EFCAB13: variants seen among roughly 807,000 people sequenced by gnomAD.
The protein encoded by EFCAB13 is EF-hand calcium-binding domain-containing protein 13.
A neutral mutation model predicts 110.2 loss-of-function variants in EFCAB13; 91 were observed. The ratio of observed to expected loss-of-function variants is 0.83; its 90% CI spans 0.70 to 0.98. The LOEUF (loss-of-function observed/expected upper bound fraction) is 0.98. EFCAB13 is among the 50% of genes least tolerant of loss of function. The pLI is 0.00. For synonymous variants in EFCAB13, 323 were observed against 369.9 expected (o/e 0.87, Z 1.45); for missense variants, 968 against 1,119.4 (o/e 0.86, Z 1.93).
rs144826927 is a variant in EFCAB13 at position 47,439,715 on chromosome 17, T to G, written c.2639-716T>G. Among the ~76,000 whole-genome samples the G allele has an allele frequency of 1.8e-3, 277 of 152,258 alleles. 1 individual carries two copies. Among genetic ancestry groups the G allele is most frequent in the African/African-American group, 6.4e-3 (265 of 41,546 alleles). On this transcript the variant is annotated intron_variant, in intron 24 of 24. Transcript: ENST00000331493. ...TAAAGCAGTGTTTCTAACCTTTTTT[T>G]CTCTTGCTCCCCTAAGAAGCCTTTA...
Position 47,421,632 on chromosome 17 carries a change from AG to A in EFCAB13, c.2494+6714del, listed in dbSNP as rs757865638. Among the ~76,000 whole-genome samples, 126 of 56,166 alleles carry A rather than the reference AG, an allele frequency of 2.2e-3. 1 individual carries two copies. The highest frequency in any genetic ancestry group is 5.1e-3 in the African/African-American group (37 of 7,236). The allele number at this position is 56,166 out of a possible 152,430, so 36.8% of individuals were successfully genotyped here. On this transcript the variant is annotated intron_variant, in intron 23 of 24. Transcript: ENST00000331493. The stretch of plus-strand genomic sequence containing the variant: ...CACCCAAGAATGAGCAATAAAAAAA[AG>A]AAAGAAAGAAAAAAAAAAAAGAAAT...
intron 19 of EFCAB13, 39 bp downstream of exon 19, chr17:47,404,060 T>A (rs760669557): frequency 1.4e-5 from 21 of 1,490,302 alleles, no homozygotes; most frequent in Non-Finnish European, 1.8e-5. Flanking sequence ...TTTTTTTTTG[T>A]AGGAGTAAAG....
intron 20 of EFCAB13, 61 bp from the exon 21 acceptor site, chr17:47,409,586 C>A: frequency 1.5e-6 from 2 of 1,308,762 alleles, no homozygotes; most frequent in South Asian, 1.2e-5. Context: ...GGTTTCCTTT[C>A]AAACAGGGTA....
At chr17:47,379,944 G>A (rs1288867714) in intron 14 of EFCAB13, among the ~76,000 whole-genome samples, 1 of 152,154 alleles carries the variant, frequency 6.6e-6, no homozygotes, top group East Asian at 1.9e-4. Context: ...CTTAAATGAA[G>A]AGACTTATGT....
At chr17:47,413,972 CAA>C (rs1008609141) in intron 22 of EFCAB13, among the ~76,000 whole-genome samples, 1 of 152,030 alleles carries the variant, frequency 6.6e-6, no homozygotes, top group African/African-American at 2.4e-5. Flanking sequence ...ATCTCTATCC[CAA>C]AGATAGTTTT....
At chr17:47,352,837 G>A (rs2065460789) in intron 9 of EFCAB13, among the ~76,000 whole-genome samples, 1 of 151,918 alleles carries the variant, frequency 6.6e-6, no homozygotes, top group African/African-American at 2.4e-5. Context: ...TTTGTTTTTT[G>A]TAGCTAAGCT....
intron 14 of EFCAB13, among the ~76,000 whole-genome samples, chr17:47,389,097 A>G (rs1410221553): frequency 6.6e-6 from 1 of 151,316 alleles, no homozygotes; most frequent in Non-Finnish European, 1.5e-5. Context: ...CAATGGCTGA[A>G]TCATTGCACA....
chr17:47,402,857 G>T (rs1452640950), intron 18 of EFCAB13, among the ~76,000 whole-genome samples: 1 of 152,196 alleles, frequency 6.6e-6, no homozygotes, highest in Non-Finnish European at 1.5e-5. Context: ...AGAGGGATAA[G>T]GTTTGATTGA....
chr17:47,338,225 G>A (rs2065362436), intron 5 of EFCAB13, among the ~76,000 whole-genome samples: 3 of 150,486 alleles, frequency 2.0e-5, no homozygotes, highest in Admixed American at 6.7e-5. Flanking sequence ...ATGAAATCAG[G>A]TTAGGAGGTC....
intron 12 of EFCAB13, among the ~76,000 whole-genome samples, chr17:47,375,803 A>G (rs910241580): frequency 3.9e-5 from 6 of 152,236 alleles, no homozygotes; most frequent in African/African-American, 9.6e-5. Flanking sequence ...TTAAACAAGT[A>G]GGAAATCTGT....
Position 47,398,014 on chromosome 17 carries a change from TGG to T in EFCAB13, c.1945+2042_1945+2043del, listed in dbSNP as rs1243269332. Among the ~76,000 whole-genome samples, 2 of 101,670 alleles carry T rather than the reference TGG, an allele frequency of 2.0e-5. 1 individual carries two copies. The highest frequency in any genetic ancestry group is 8.1e-5 in the African/African-American group (2 of 24,802). The allele number at this position is 101,670 out of a possible 152,430, so 66.7% of individuals were successfully genotyped here. A position where few individuals can be genotyped will look rare whatever the true frequency, so the allele number is the denominator to read the frequency against. On this transcript the variant is annotated intron_variant, in intron 17 of 24. Transcript: ENST00000331493. ...CCAGCCGCCCCGTCCGGGAGGGAGG[TGG>T]GGGGATCAGCCCCTGCCCGGCCAGC...
chr17:47,433,651 T>C (rs1033000736), intron 24 of EFCAB13, among the ~76,000 whole-genome samples: 1 of 152,188 alleles, frequency 6.6e-6, no homozygotes, highest in Non-Finnish European at 1.5e-5. Flanking sequence ...GTTGATTTTC[T>C]ACTTCCCTCA....
In EFCAB13 at chr17:47,336,129, GTT is replaced by G. The variant is rs200427848; in HGVS notation, c.191+787_191+788del. On this transcript the variant is annotated intron_variant, in intron 5 of 24. Coordinates refer to ENST00000331493, the MANE Select transcript of EFCAB13 (RefSeq NM_152347.5). Reference sequence around the variant, plus strand: ...TCCATGAAATTAAGATATTTGAATAGTTTTTTTTTTTTTTTGAGATGGAGCCT... The same window carrying G: ...TCCATGAAATTAAGATATTTGAATAGTTTTTTTTTTTTTGAGATGGAGCCT... 9.8e-5 allele frequency among the ~76,000 whole-genome samples: 14 copies of G among 143,496 alleles called. No individual in the cohort carries two copies. The East Asian group carries it at 1.2e-3, about 12-fold the overall frequency. The allele number at this position is 143,496 out of a possible 152,430, so 94.1% of individuals were successfully genotyped here.
At chr17:47,387,083 C>G (rs2065680991) in intron 14 of EFCAB13, among the ~76,000 whole-genome samples, 1 of 152,176 alleles carries the variant, frequency 6.6e-6, no homozygotes, top group Non-Finnish European at 1.5e-5. Flanking sequence ...TGTTCCTGTT[C>G]AGCCATCTTG....
chr17:47,399,650 A>C (rs1369044111), intron 17 of EFCAB13, among the ~76,000 whole-genome samples: 1 of 151,944 alleles, frequency 6.6e-6, no homozygotes, highest in Non-Finnish European at 1.5e-5. Context: ...AAGAAAAAAA[A>C]CCCTGAAAAA....
chr17:47,409,164 A>G (rs1567802086), intron 20 of EFCAB13, among the ~76,000 whole-genome samples: 1 of 152,122 alleles, frequency 6.6e-6, no homozygotes, highest in Non-Finnish European at 1.5e-5. Context: ...CTCTACACCA[A>G]CTTGCATCTC....
intron 14 of EFCAB13, among the ~76,000 whole-genome samples, chr17:47,384,147 T>G (rs994547365): frequency 1.5e-5 from 2 of 134,622 alleles, no homozygotes; most frequent in African/African-American, 5.5e-5. Flanking sequence ...AACCCCCAGT[T>G]TTTTTTTTTT....
chr17:47,336,795 T>C (rs2065353973), intron 5 of EFCAB13, among the ~76,000 whole-genome samples: 1 of 152,070 alleles, frequency 6.6e-6, no homozygotes, highest in East Asian at 1.9e-4. Flanking sequence ...CTGGTTGCCT[T>C]TTGTTAGTCG....
At chr17:47,388,934 C>T (rs2065691159) in intron 14 of EFCAB13, among the ~76,000 whole-genome samples, 1 of 151,584 alleles carries the variant, frequency 6.6e-6, no homozygotes, top group Admixed American at 6.6e-5. Flanking sequence ...TTTATTATAA[C>T]TGTTATAATA....
Sources: gnomAD v4.1 joint callset for allele counts (sites outside exome capture counted in the v4.1 genomes callset) on GRCh38, gnomAD v4.1.1 for gene constraint, MANE v1.5 for transcripts, NCBI Gene and HGNC (gene_info 2026-07-23, HGNC 2026-07-21) for gene names.